Variants in CSMD1 observed in about 807,000 individuals in gnomAD.
CSMD1 encodes CUB and sushi domain-containing protein 1.
A neutral mutation model predicts 417.5 loss-of-function variants in CSMD1; 213 were observed. That is an observed-to-expected ratio of 0.51 (90% CI 0.46 to 0.57). CSMD1 has a LOEUF of 0.57. CSMD1 is among the 20% of genes least tolerant of loss of function. CSMD1 has a pLI of 0.00. For missense variants in CSMD1, 6,923 were observed against 4,529.7 expected (o/e 1.53, Z -15.17); for synonymous variants, 2,862 against 1,736.8 (o/e 1.65, Z -16.11).
At chr8:3,252,548 C>G (rs1221645925) in intron 26 of CSMD1, among the ~76,000 whole-genome samples, 10 of 152,110 alleles carry the variant, frequency 6.6e-5, no homozygotes, top group East Asian at 1.9e-4. Flanking sequence ...GTCTGCCAGG[C>G]TTTGGTATCA....
intron 7 of CSMD1, among the ~76,000 whole-genome samples, chr8:3,639,308 G>A (rs1244777856): frequency 6.6e-6 from 1 of 152,106 alleles, no homozygotes; most frequent in African/African-American, 2.4e-5. Context: ...TTTTGCTTGG[G>A]GTGTTGTTTC....
In CSMD1 at chr8:4,176,218, G is replaced by T. The variant is rs1477102447; in HGVS notation, c.416-144119C>A. Among the ~76,000 whole-genome samples the T allele has an allele frequency of 2.6e-5, 4 of 152,000 alleles. 1 individual carries two copies. Among genetic ancestry groups the T allele is most frequent in the African/African-American group, 9.7e-5 (4 of 41,346 alleles). ...CCACCCTGTTGGATGTGGCTCTGTA[G>T]GCTATATAGCTTATGTACGTTCTTA... On this transcript the variant is annotated intron_variant, in intron 3 of 69. Transcript: ENST00000635120.
At chr8:4,812,437 A>G (rs1393244921) in intron 1 of CSMD1, among the ~76,000 whole-genome samples, 1 of 152,198 alleles carries the variant, frequency 6.6e-6, no homozygotes, top group East Asian at 1.9e-4. Flanking sequence ...AAGTAGGTAA[A>G]AAGAGTACTT....
chr8:3,201,668 A>G lies in CSMD1; in HGVS notation c.5042T>C (p.Phe1681Ser). ...QTALNDLAEL[F>S]DGTHAQARLL... ...TCTGGCCTGTGCATGGGTTCCATCA[A>G]ATAATTCTGCCAAATCATTCAGGGC... The change falls in exon 32 of 70, where the codon TTT becomes TCT. Residue 1681 changes from phenylalanine to serine, a missense_variant. Coordinates refer to ENST00000635120, the MANE Select transcript of CSMD1 (RefSeq NM_033225.6). 1 of 1,607,288 alleles carries G rather than the reference A, an allele frequency of 6.2e-7. No individual in the cohort carries two copies. Among genetic ancestry groups the G allele is most frequent in the Non-Finnish European group, 8.5e-7 (1 of 1,176,792 alleles).
intron 2 of CSMD1, among the ~76,000 whole-genome samples, chr8:4,601,489 T>C (rs999168703): frequency 6.6e-6 from 1 of 152,160 alleles, no homozygotes; most frequent in Non-Finnish European, 1.5e-5. Flanking sequence ...AGGTGTGATA[T>C]TACAGAATAG....
chr8:4,584,714 T>C (rs111387260), intron 2 of CSMD1, among the ~76,000 whole-genome samples: 4,958 of 152,222 alleles, frequency 0.033, 130 homozygotes, highest in Middle Eastern at 0.13. Context: ...ATCTATCCTA[T>C]CTATCCTGAC....
At position 2,937,440 on chromosome 8, in the gene CSMD1, A is replaced by AC. The variant is rs1801557008; in HGVS notation, c.*1144_*1145insG. 4.0e-5 allele frequency: 3 copies of AC among 74,668 alleles called. No individual in the cohort carries two copies. The South Asian group carries it at 2.1e-3, about 51-fold the overall frequency. 4.6% of individuals were successfully genotyped at this position (74,668 alleles called of 1,614,324 possible). A position where few individuals can be genotyped will look rare whatever the true frequency, so the allele number is the denominator to read the frequency against. Reference sequence around the variant, plus strand: ...AGATCGATGGCACAGTAAAAGACAAAAAAAAAAAAAAACAAAAAAAAAACA... The same window carrying AC: ...AGATCGATGGCACAGTAAAAGACAAACAAAAAAAAAAAACAAAAAAAAAACA... On this transcript the variant is annotated 3_prime_UTR_variant, in exon 70 of 70. Coordinates refer to ENST00000635120, the MANE Select transcript of CSMD1 (RefSeq NM_033225.6).
chr8:3,496,605 G>C (rs984810030), intron 10 of CSMD1, among the ~76,000 whole-genome samples: 6 of 152,232 alleles, frequency 3.9e-5, no homozygotes, highest in East Asian at 1.9e-4. Flanking sequence ...AGGAGGGTGG[G>C]TCATGAGGTC....
intron 10 of CSMD1, among the ~76,000 whole-genome samples, chr8:3,557,565 G>A (rs1799211483): frequency 1.3e-5 from 2 of 151,906 alleles, no homozygotes; most frequent in African/African-American, 4.9e-5. Context: ...TTTTAGAGGT[G>A]AGCAAGTCCT....
intron 49 of CSMD1, among the ~76,000 whole-genome samples, chr8:3,084,294 C>T (rs1466753088): frequency 6.6e-6 from 1 of 151,942 alleles, no homozygotes; most frequent in Non-Finnish European, 1.5e-5. Flanking sequence ...GAGGCTGAGG[C>T]AGGAGGATCA....
chr8:4,071,422 TTTAA>T (rs1329519477), intron 3 of CSMD1, among the ~76,000 whole-genome samples: 16 of 152,200 alleles, frequency 1.1e-4, no homozygotes, highest in African/African-American at 2.4e-4. Flanking sequence ...AGTTTAGATA[TTTAA>T]TTATTCATTT....
chr8:3,684,948 C>A (rs948013964), intron 7 of CSMD1, among the ~76,000 whole-genome samples: 1 of 152,134 alleles, frequency 6.6e-6, no homozygotes, highest in Non-Finnish European at 1.5e-5. Flanking sequence ...GACAATTAAA[C>A]TGCCTTTGGA....
At chr8:4,094,987 T>C (rs1381111820) in intron 3 of CSMD1, among the ~76,000 whole-genome samples, 2 of 152,182 alleles carry the variant, frequency 1.3e-5, no homozygotes, top group South Asian at 4.1e-4. Context: ...TATAGTATTA[T>C]ACAGGTGGAC....
At chr8:3,256,332 AAAGGAAGG>A (rs1208947590) in intron 26 of CSMD1, among the ~76,000 whole-genome samples, 11 of 139,146 alleles carry the variant, frequency 7.9e-5, no homozygotes, top group African/African-American at 2.8e-4. Context: ...AAAAGAGAAG[AAAGGAAGG>A]AAAGAAAGGA....
intron 3 of CSMD1, among the ~76,000 whole-genome samples, chr8:4,133,666 G>A (rs1043509844): frequency 6.6e-6 from 1 of 151,990 alleles, no homozygotes; most frequent in Middle Eastern, 3.4e-3. Context: ...TGTAAGTGTA[G>A]GGAAAATATG....
At chr8:3,547,449 G>C (rs1413747991) in intron 10 of CSMD1, among the ~76,000 whole-genome samples, 1 of 152,102 alleles carries the variant, frequency 6.6e-6, no homozygotes, top group East Asian at 1.9e-4. Flanking sequence ...TGTATAAACG[G>C]ATCAGTAGGT....
At chr8:4,664,360 G>C (rs865804049) in intron 1 of CSMD1, among the ~76,000 whole-genome samples, 2 of 152,262 alleles carry the variant, frequency 1.3e-5, no homozygotes. Flanking sequence ...AGGAGTTCTA[G>C]ACCAGCCTGG....
chr8:3,735,262 C>G (rs1313973010), intron 6 of CSMD1, among the ~76,000 whole-genome samples: 1 of 152,132 alleles, frequency 6.6e-6, no homozygotes, highest in Non-Finnish European at 1.5e-5. Flanking sequence ...TTACTCAACA[C>G]AGATCCAAAA....
rs574142433 is a variant in CSMD1 at position 4,179,898 on chromosome 8, G to A, written c.416-147799C>T. 1.4e-3 allele frequency among the ~76,000 whole-genome samples: 218 copies of A among 152,278 alleles called. 2 individuals carry two copies. Among genetic ancestry groups the A allele is most frequent in the Admixed American group, 2.4e-3 (37 of 15,298 alleles). ...ATGAGATACCATCTCACACCAGTTA[G>A]AATGGCGATCATTAAAAAGTCAGGA... On this transcript the variant is annotated intron_variant, in intron 3 of 69. Coordinates refer to ENST00000635120, the MANE Select transcript of CSMD1 (RefSeq NM_033225.6).
Sources: allele counts gnomAD v4.1 joint callset (sites outside exome capture counted in the v4.1 genomes callset), GRCh38; gene constraint gnomAD v4.1.1; transcripts MANE v1.5; gene names NCBI Gene and HGNC (gene_info 2026-07-23, HGNC 2026-07-21).